EEFSEC: variants seen among roughly 807,000 people sequenced by gnomAD.
EEFSEC encodes eukaryotic elongation factor, selenocysteine-tRNA specific.
A neutral mutation model predicts 42.1 loss-of-function variants in EEFSEC; 43 were observed. That is an observed-to-expected ratio of 1.02 (90% CI 0.80 to 1.32). EEFSEC has a LOEUF of 1.32. EEFSEC is among the 40% of genes most tolerant of loss of function. The probability of loss-of-function intolerance (pLI) is 0.00; values close to 1 mark genes in which losing one functional copy is unlikely to be tolerated. For synonymous variants in EEFSEC, 354 were observed against 339.1 expected (o/e 1.04, Z -0.48); for missense variants, 745 against 803.6 (o/e 0.93, Z 0.88).
chr3:128,414,002 A>T, the EEFSEC span, among the ~76,000 whole-genome samples: 1 of 152,220 alleles, frequency 6.6e-6, no homozygotes, highest in Admixed American at 6.5e-5. Context: ...GGCAGTCTCC[A>T]GTCAGCCGCT....
chr3:128,193,773 C>T (rs1230897987), intron 1 of EEFSEC, among the ~76,000 whole-genome samples: 1 of 152,178 alleles, frequency 6.6e-6, no homozygotes, highest in African/African-American at 2.4e-5. Context: ...ACTTGTACAA[C>T]TCCAAAGCCA....
intron 4 of EEFSEC, among the ~76,000 whole-genome samples, chr3:128,286,043 T>C (rs529135090): frequency 2.6e-4 from 39 of 152,364 alleles, no homozygotes; most frequent in South Asian, 1.2e-3. Context: ...GTTTGCTCTG[T>C]CTTGTAGATA....
At chr3:128,218,872 A>G (rs539479113) in intron 1 of EEFSEC, among the ~76,000 whole-genome samples, 13 of 152,222 alleles carry the variant, frequency 8.5e-5, no homozygotes, top group Non-Finnish European at 1.8e-4. Flanking sequence ...ACTTCCTGCT[A>G]AGGAACATAA....
chr3:128,311,206 A>C (rs139319761), intron 4 of EEFSEC, among the ~76,000 whole-genome samples: 1 of 152,230 alleles, frequency 6.6e-6, no homozygotes, highest in Non-Finnish European at 1.5e-5. Context: ...AGTTATTTTT[A>C]CAGAAATCTG....
intron 6 of EEFSEC, among the ~76,000 whole-genome samples, chr3:128,376,764 C>A (rs980207058): frequency 2.2e-4 from 34 of 152,158 alleles, no homozygotes; most frequent in African/African-American, 8.2e-4. Flanking sequence ...CAGTGCCTAA[C>A]TGGGACTCAG....
At chr3:128,272,047 A>T (rs1188628103) in intron 4 of EEFSEC, among the ~76,000 whole-genome samples, 1 of 152,190 alleles carries the variant, frequency 6.6e-6, no homozygotes, top group Non-Finnish European at 1.5e-5. Flanking sequence ...AGGATAGGAA[A>T]CAGATAGGCT....
At chr3:128,380,147 G>A (rs192554781) in intron 6 of EEFSEC, among the ~76,000 whole-genome samples, 13 of 152,306 alleles carry the variant, frequency 8.5e-5, no homozygotes, top group African/African-American at 2.4e-4. Context: ...GCCATTTCTC[G>A]TGATGACTGC....
intron 4 of EEFSEC, among the ~76,000 whole-genome samples, chr3:128,289,561 T>G (rs771154105): frequency 2.6e-5 from 4 of 152,218 alleles, no homozygotes; most frequent in Non-Finnish European, 5.9e-5. Flanking sequence ...ATTTTGTCAT[T>G]TTTAAGGAGA....
At chr3:128,305,151 A>G (rs977532393) in intron 4 of EEFSEC, among the ~76,000 whole-genome samples, 13 of 152,246 alleles carry the variant, frequency 8.5e-5, no homozygotes, top group African/African-American at 2.9e-4. Context: ...TTAATTTTGG[A>G]AAAATCTTCA....
chr3:128,390,634 G>A lies in EEFSEC; in HGVS notation c.1601-17435G>A, dbSNP rs547597368. 2.0e-5 allele frequency among the ~76,000 whole-genome samples: 3 copies of A among 152,288 alleles called. 1 individual carries two copies. Among genetic ancestry groups the A allele is most frequent in the South Asian group, 4.1e-4 (2 of 4,826 alleles). ...GGCTGGAAGCGACACAGGACACAGCGGCCACAATCTACCTCTTCTCCCTGC... is the reference window on the plus strand; with the variant it reads ...GGCTGGAAGCGACACAGGACACAGCAGCCACAATCTACCTCTTCTCCCTGC... On this transcript the variant is annotated intron_variant, in intron 6 of 6. Coordinates refer to ENST00000254730, the MANE Select transcript of EEFSEC (RefSeq NM_021937.5).
At chr3:128,204,936 C>T (rs2065677622) in intron 1 of EEFSEC, among the ~76,000 whole-genome samples, 1 of 152,100 alleles carries the variant, frequency 6.6e-6, no homozygotes, top group South Asian at 2.1e-4. Flanking sequence ...TTACACTTCC[C>T]CATTAGGTAC....
At chr3:128,300,972 T>C (rs2066761076) in intron 4 of EEFSEC, among the ~76,000 whole-genome samples, 1 of 152,212 alleles carries the variant, frequency 6.6e-6, no homozygotes, top group African/African-American at 2.4e-5. Flanking sequence ...TTATTGTCTA[T>C]TTAAGCTGAT....
chr3:128,230,122 C>T (rs537091358), intron 1 of EEFSEC, among the ~76,000 whole-genome samples: 1 of 130,420 alleles, frequency 7.7e-6, no homozygotes, highest in South Asian at 2.7e-4. Flanking sequence ...CATTCTTTCT[C>T]TCCCTCCCTC....
chr3:128,420,467 G>A, the EEFSEC span, among the ~76,000 whole-genome samples: 7 of 152,330 alleles, frequency 4.6e-5, no homozygotes, highest in South Asian at 1.4e-3. Context: ...TGGACCACCT[G>A]CCTCCTTGGC....
the EEFSEC span, among the ~76,000 whole-genome samples, chr3:128,414,763 G>A: frequency 6.6e-6 from 1 of 152,206 alleles, no homozygotes; most frequent in African/African-American, 2.4e-5. Context: ...ATTGGTTTGG[G>A]GAAGACATGT....
At chr3:128,206,676 C>A (rs898417413) in intron 1 of EEFSEC, among the ~76,000 whole-genome samples, 3 of 152,176 alleles carry the variant, frequency 2.0e-5, no homozygotes, top group Admixed American at 2.0e-4. Flanking sequence ...ATAATAATCA[C>A]CTTTATGATT....
intron 1 of EEFSEC, among the ~76,000 whole-genome samples, chr3:128,177,302 G>A (rs2065359879): frequency 6.6e-6 from 1 of 152,002 alleles, no homozygotes; most frequent in Non-Finnish European, 1.5e-5. Flanking sequence ...CCTATGTGTT[G>A]GCCTGGGGAA....
chr3:128,387,513 C>T (rs377684804), intron 6 of EEFSEC, among the ~76,000 whole-genome samples: 40 of 152,104 alleles, frequency 2.6e-4, no homozygotes, highest in African/African-American at 9.2e-4. Context: ...AAGTGGGGCT[C>T]GGGTGGGCCT....
chr3:128,221,690 C>T (rs974805039), intron 1 of EEFSEC, among the ~76,000 whole-genome samples: 1 of 152,098 alleles, frequency 6.6e-6, no homozygotes, highest in Non-Finnish European at 1.5e-5. Context: ...GACAAAATTA[C>T]ATGGCATACA....
Sources: gnomAD v4.1 joint callset for allele counts (sites outside exome capture counted in the v4.1 genomes callset) on GRCh38, gnomAD v4.1.1 for gene constraint, MANE v1.5 for transcripts, NCBI Gene and HGNC (gene_info 2026-07-23, HGNC 2026-07-21) for gene names.